The following ADGRL2 variants were observed in gnomAD, a reference collection of about 807,000 sequenced individuals.
ADGRL2 encodes calcium-independent alpha-latrotoxin receptor 2.
A neutral mutation model predicts 157.4 loss-of-function variants in ADGRL2; 44 were observed. That is an observed-to-expected ratio of 0.28 (90% CI 0.22 to 0.36). ADGRL2 has a LOEUF of 0.36. Among genes scored for constraint, ADGRL2 ranks in the 10% least tolerant of loss-of-function variants. The probability of loss-of-function intolerance (pLI) is 1.00; values close to 1 mark genes in which losing one functional copy is unlikely to be tolerated. For missense variants in ADGRL2, 1,510 were observed against 1,768.9 expected (o/e 0.85, Z 2.63); for synonymous variants, 585 against 624.7 (o/e 0.94, Z 0.95).
intron 10 of ADGRL2, 174 bp from the exon 11 acceptor site, chr1:81,955,703 G>A (rs1653294854): frequency 2.2e-6 from 1 of 450,332 alleles, no homozygotes. Context: ...TTTTAAAATG[G>A]TCCAGTTATA....
At chr1:81,371,160 C>A (rs67973336) in intron 1 of ADGRL2, among the ~76,000 whole-genome samples, 1 of 152,154 alleles carries the variant, frequency 6.6e-6, no homozygotes, top group East Asian at 1.9e-4. Context: ...TCCACAGAAC[C>A]ATTACATTAG....
chr1:81,940,379 C>T lies in ADGRL2; in HGVS notation c.398-1655C>T, dbSNP rs138426032. On this transcript the variant is annotated intron_variant, in intron 4 of 23. Coordinates refer to ENST00000686636, the MANE Select transcript of ADGRL2 (RefSeq NM_001366006.2). ...TAAGCAGGTATAATATTGCTCTTCGCTGAGGAGTAATTTTAGGACTAGTGG... is the reference window on the plus strand; with the variant it reads ...TAAGCAGGTATAATATTGCTCTTCGTTGAGGAGTAATTTTAGGACTAGTGG... Among the ~76,000 whole-genome samples the T allele has an allele frequency of 1.0e-3, 157 of 151,642 alleles. 1 individual carries two copies. Among genetic ancestry groups the T allele is most frequent in the African/African-American group, 3.6e-3 (151 of 41,492 alleles).
chr1:81,634,407 G>A (rs1180185858), intron 3 of ADGRL2, among the ~76,000 whole-genome samples: 1 of 151,740 alleles, frequency 6.6e-6, no homozygotes, highest in African/African-American at 2.4e-5. Flanking sequence ...ACTTTAAAAA[G>A]GCAAAGTTAC....
chr1:81,417,913 A>T (rs893878357), intron 1 of ADGRL2, among the ~76,000 whole-genome samples: 1 of 152,192 alleles, frequency 6.6e-6, no homozygotes, highest in Non-Finnish European at 1.5e-5. Context: ...TGTGGCACCC[A>T]TGCATGACAA....
In ADGRL2 at chr1:81,482,390, A is replaced by G. The variant is rs1029806299; in HGVS notation, c.-248+37301A>G. Among the ~76,000 whole-genome samples, 5 of 151,282 alleles carry G rather than the reference A, an allele frequency of 3.3e-5. No individual in the cohort carries two copies. The South Asian group carries it at 1.0e-3, about 31-fold the overall frequency. On this transcript the variant is annotated intron_variant, in intron 2 of 24. Coordinates refer to the ADGRL2 transcript ENST00000370721. ...CATCCAAGTAATACGTGTTTATTATAGAACAACTTAAAAAAAATTATCTTT... is the reference window on the plus strand; with the variant it reads ...CATCCAAGTAATACGTGTTTATTATGGAACAACTTAAAAAAAATTATCTTT...
intron 1 of ADGRL2, among the ~76,000 whole-genome samples, chr1:81,328,201 A>G (rs1661028473): frequency 6.6e-6 from 1 of 152,200 alleles, no homozygotes; most frequent in Non-Finnish European, 1.5e-5. Flanking sequence ...AAGCTTCAAA[A>G]GGGAAGAATT....
chr1:81,747,251 G>A (rs1197230909), intron 1 of ADGRL2, among the ~76,000 whole-genome samples: 2 of 147,780 alleles, frequency 1.4e-5, no homozygotes, highest in Non-Finnish European at 3.0e-5. Flanking sequence ...ATGTATATGT[G>A]TGTATATATG....
chr1:81,378,670 T>C (rs1230349177), intron 1 of ADGRL2, among the ~76,000 whole-genome samples: 1 of 151,066 alleles, frequency 6.6e-6, no homozygotes. Flanking sequence ...AAAATGAGGA[T>C]AATAACAACA....
chr1:81,322,935 G>T (rs1660631461), intron 1 of ADGRL2, among the ~76,000 whole-genome samples: 1 of 150,910 alleles, frequency 6.6e-6, no homozygotes. Flanking sequence ...TCAGCTCACT[G>T]CAACCTCCCA....
At chr1:81,488,536 CAAAAAAAA>C (rs35800238) in intron 2 of ADGRL2, among the ~76,000 whole-genome samples, 1 of 138,674 alleles carries the variant, frequency 7.2e-6, no homozygotes, top group Non-Finnish European at 1.6e-5. Context: ...CCTGTCTCTA[CAAAAAAAA>C]AAAAAAATAC....
intron 1 of ADGRL2, among the ~76,000 whole-genome samples, chr1:81,814,326 G>A (rs1459390598): frequency 1.3e-5 from 2 of 151,464 alleles, no homozygotes; most frequent in Non-Finnish European, 3.0e-5. Flanking sequence ...AAAATAATAA[G>A]CTATTATGAA....
intron 6 of ADGRL2, among the ~76,000 whole-genome samples, chr1:81,948,139 C>T (rs75047930): frequency 0.18 from 27,274 of 151,088 alleles, 3,225 homozygotes; most frequent in East Asian, 0.63. Context: ...ATGGCTTGAA[C>T]GCAGGAGGCG....
chr1:81,474,043 G>A (rs1377115689), intron 2 of ADGRL2, among the ~76,000 whole-genome samples: 7 of 152,128 alleles, frequency 4.6e-5, no homozygotes, highest in Non-Finnish European at 7.4e-5. Context: ...CAAGGAGATA[G>A]AAGGCAGAGA....
At chr1:81,505,214 A>G in intron 2 of ADGRL2, 1 of 534,652 alleles carries the variant, frequency 1.9e-6, no homozygotes, top group East Asian at 3.9e-5. Context: ...ACACACACAC[A>G]CACACACACA....
chr1:81,680,146 T>C (rs1413923478), intron 3 of ADGRL2, among the ~76,000 whole-genome samples: 1 of 152,164 alleles, frequency 6.6e-6, no homozygotes, highest in Non-Finnish European at 1.5e-5. Context: ...TGAATGAAAC[T>C]TATCTAAGTG....
intron 2 of ADGRL2, among the ~76,000 whole-genome samples, chr1:81,565,086 TG>T (rs1186452596): frequency 1.3e-5 from 2 of 152,152 alleles, no homozygotes; most frequent in Non-Finnish European, 2.9e-5. Flanking sequence ...GGCAAGAAGG[TG>T]GGTTCTGAAA....
intron 3 of ADGRL2, among the ~76,000 whole-genome samples, chr1:81,694,373 T>C (rs2083401373): frequency 6.6e-6 from 1 of 152,062 alleles, no homozygotes; most frequent in Non-Finnish European, 1.5e-5. Context: ...AAATAGATAA[T>C]GAAACTACCG....
intron 2 of ADGRL2, among the ~76,000 whole-genome samples, chr1:81,895,795 A>T (rs1037481327): frequency 7.9e-5 from 12 of 152,174 alleles, no homozygotes; most frequent in African/African-American, 2.9e-4. Flanking sequence ...GTATTAACTA[A>T]AAAGACTTAA....
At chr1:81,551,591 C>T (rs1456699398) in intron 2 of ADGRL2, among the ~76,000 whole-genome samples, 1 of 152,034 alleles carries the variant, frequency 6.6e-6, no homozygotes, top group Non-Finnish European at 1.5e-5. Flanking sequence ...TAGTTTGTTA[C>T]AACCAAATGC....
Sources: allele counts gnomAD v4.1 joint callset (sites outside exome capture counted in the v4.1 genomes callset), GRCh38; gene constraint gnomAD v4.1.1; transcripts MANE v1.5; gene names NCBI Gene and HGNC (gene_info 2026-07-23, HGNC 2026-07-21).